UPRT: variants seen among roughly 807,000 people sequenced by gnomAD.
UPRT encodes the protein uracil phosphoribosyltransferase homolog, also known as RP11-311P8.3.
In UPRT, 5 loss-of-function variants were observed where a neutral mutation model predicts 22.6. That is an observed-to-expected ratio of 0.22 (90% CI 0.12 to 0.47). The LOEUF (loss-of-function observed/expected upper bound fraction) is 0.47. Among genes scored for constraint, UPRT ranks in the 20% least tolerant of loss-of-function variants. UPRT has a pLI of 0.99. For missense variants in UPRT, 181 were observed against 239.9 expected, an observed-to-expected ratio of 0.75 and a Z score of 1.62; for synonymous variants, 77 against 87.7, an observed-to-expected ratio of 0.88 and a Z score of 0.68.
At position 75,283,588 on chromosome X, in the gene UPRT, TTTTGTTTG is replaced by T. The variant is rs766544686; in HGVS notation, c.386+8965_386+8972del. Among the ~76,000 whole-genome samples the T allele has an allele frequency of 4.9e-4, 55 of 111,428 alleles. No individual in the cohort carries two copies. In the East Asian group the frequency reaches 9.9e-3, roughly 20 times the overall value. The stretch of plus-strand genomic sequence containing the variant: ...CTGCACACAAAATTCTTGGCTGATT[TTTTGTTTG>T]TTTGTTTGTTTGTTTGAGGAGGCTG... On this transcript the variant is annotated intron_variant, in intron 1 of 6. Coordinates refer to ENST00000373383, the MANE Select transcript of UPRT (RefSeq NM_145052.4).
At chrX:75,224,975 T>C (rs1300546167) in intron 4 of UPRT, among the ~76,000 whole-genome samples, 1 of 111,260 alleles carries the variant, frequency 9.0e-6, no homozygotes, top group African/African-American at 3.3e-5. Context: ...CTAAGCAAGG[T>C]TCTGTAGCTG....
At chrX:75,296,317 ACTT>A in intron 2 of UPRT, 22 bp from the exon 3 acceptor site, 2 of 1,201,160 alleles carry the variant, frequency 1.7e-6, no homozygotes, top group Admixed American at 2.2e-5. Flanking sequence ...CAGGTTCTCA[ACTT>A]CTTCTTCCTT....
intron 4 of UPRT, among the ~76,000 whole-genome samples, chrX:75,232,198 G>T (rs941491489): frequency 8.9e-6 from 1 of 112,080 alleles, no homozygotes; most frequent in African/African-American, 3.2e-5. Flanking sequence ...TGGAAAATTG[G>T]GTCACTCCCA....
At chrX:75,167,607 A>G (rs747428861) in intron 3 of UPRT, among the ~76,000 whole-genome samples, 2 of 112,278 alleles carry the variant, frequency 1.8e-5, no homozygotes, top group South Asian at 7.3e-4. Flanking sequence ...ATTTAATCTT[A>G]TAATTTCAAA....
At chrX:75,253,876 A>T (rs1009191512) in intron 4 of UPRT, among the ~76,000 whole-genome samples, 3 of 112,181 alleles carry the variant, frequency 2.7e-5, no homozygotes, top group Non-Finnish European at 5.6e-5. Flanking sequence ...AGAGCTGAGC[A>T]AAATACAGGG....
At chrX:75,166,761 G>T (rs1252466279) in intron 3 of UPRT, among the ~76,000 whole-genome samples, 1 of 111,984 alleles carries the variant, frequency 8.9e-6, no homozygotes, top group East Asian at 2.8e-4. Context: ...CTCCACAAAA[G>T]AAAACTAAAG....
intron 4 of UPRT, among the ~76,000 whole-genome samples, chrX:75,234,047 C>T (rs766501986): frequency 2.7e-5 from 3 of 110,527 alleles, no homozygotes; most frequent in Admixed American, 9.7e-5. Context: ...ACCCATCTCA[C>T]GTGCAGAGAC....
At chrX:75,303,358 T>C in intron 6 of UPRT, 47 bp from the exon 7 acceptor site, 2 of 1,005,635 alleles carry the variant, frequency 2.0e-6, no homozygotes, top group African/African-American at 3.8e-5. Flanking sequence ...GAATTACAAC[T>C]GGTGTTACCA....
At chrX:75,180,789 A>AT (rs767529402) in intron 4 of UPRT, among the ~76,000 whole-genome samples, 1 of 87,854 alleles carries the variant, frequency 1.1e-5, no homozygotes, top group South Asian at 6.7e-4. Context: ...AGTTTGCAAA[A>AT]TTTTTTTACC....
At chrX:75,223,736 C>T (rs1306192755) in intron 4 of UPRT, among the ~76,000 whole-genome samples, 2 of 111,490 alleles carry the variant, frequency 1.8e-5, no homozygotes, top group Non-Finnish European at 3.8e-5. Context: ...GGGGTGGTGT[C>T]AGCAATTCAA....
intron 4 of UPRT, among the ~76,000 whole-genome samples, chrX:75,179,176 T>C (rs867693470): frequency 6.3e-5 from 6 of 95,248 alleles, no homozygotes; most frequent in Middle Eastern, 6.0e-3. Flanking sequence ...CATAAAGGTT[T>C]TCCAAGGCCC....
chrX:75,263,614 C>G (rs1301067934), intron 4 of UPRT, among the ~76,000 whole-genome samples: 2 of 110,087 alleles, frequency 1.8e-5, no homozygotes, highest in East Asian at 5.7e-4. Context: ...CTCTTTTCTT[C>G]TGTATTAGTC....
At chrX:75,239,868 C>A (rs1036169088) in intron 4 of UPRT, among the ~76,000 whole-genome samples, 2 of 111,219 alleles carry the variant, frequency 1.8e-5, no homozygotes, top group Non-Finnish European at 3.8e-5. Context: ...TCGATAGATG[C>A]AGAAAATCAT....
intron 4 of UPRT, among the ~76,000 whole-genome samples, chrX:75,244,781 A>G (rs190810587): frequency 5.2e-4 from 58 of 111,614 alleles, no homozygotes; most frequent in African/African-American, 1.7e-3. Flanking sequence ...CTAAAAAAGG[A>G]TTAAAGACTT....
At chrX:75,222,496 T>G (rs1051865893) in intron 4 of UPRT, among the ~76,000 whole-genome samples, 1 of 111,637 alleles carries the variant, frequency 9.0e-6, no homozygotes, top group Non-Finnish European at 1.9e-5. Flanking sequence ...TCAGAAGCCT[T>G]AGAAATCTGC....
intron 4 of UPRT, among the ~76,000 whole-genome samples, chrX:75,175,843 G>A (rs763004615): frequency 6.7e-4 from 75 of 111,500 alleles, no homozygotes; most frequent in African/African-American, 2.3e-3. Context: ...CTAAGGCTGC[G>A]GCCTTTCTCT....
chrX:75,259,642 C>A (rs1357178948), intron 4 of UPRT, among the ~76,000 whole-genome samples: 1 of 110,671 alleles, frequency 9.0e-6, no homozygotes, highest in Non-Finnish European at 1.9e-5. Flanking sequence ...AATTGGTGTA[C>A]CTGAAAGTGA....
intron 4 of UPRT, among the ~76,000 whole-genome samples, chrX:75,185,315 G>T (rs1411747369): frequency 8.9e-6 from 1 of 111,864 alleles, no homozygotes; most frequent in Non-Finnish European, 1.9e-5. Context: ...GTATATGCTG[G>T]ATTACATTTA....
intron 4 of UPRT, among the ~76,000 whole-genome samples, chrX:75,233,313 G>C (rs1005897938): frequency 1.4e-4 from 16 of 111,410 alleles, no homozygotes; most frequent in Admixed American, 1.4e-3. Flanking sequence ...CGTCTGATTG[G>C]TGTACCTGAA....
Sources: gnomAD v4.1 joint callset for allele counts (sites outside exome capture counted in the v4.1 genomes callset) on GRCh38, gnomAD v4.1.1 for gene constraint, MANE v1.5 for transcripts, NCBI Gene and HGNC (gene_info 2026-07-23, HGNC 2026-07-21) for gene names.